Variants in RECK observed in about 807,000 individuals in gnomAD.
RECK encodes the protein reversion-inducing cysteine-rich protein with Kazal motifs.
RECK carries 69 observed loss-of-function variants against 115.1 expected under a neutral mutation model. That is an observed-to-expected ratio of 0.60 (90% CI 0.49 to 0.73). The LOEUF is 0.73. Among genes scored for constraint, RECK ranks in the 30% least tolerant of loss-of-function variants. RECK has a pLI of 0.00. For missense variants in RECK, 1,047 were observed against 1,203.7 expected (o/e 0.87, Z 1.93); for synonymous variants, 414 against 419.7 (o/e 0.99, Z 0.17).
intron 12 of RECK, 98 bp downstream of exon 12, chr9:36,102,328 A>T: frequency 1.9e-6 from 2 of 1,057,186 alleles, no homozygotes; most frequent in Non-Finnish European, 2.7e-6. Flanking sequence ...TTATCTGTTG[A>T]GAACATGGGA....
chr9:36,058,742 G>C (rs1466910273), intron 2 of RECK, 85 bp from the exon 3 acceptor site: 1 of 637,420 alleles, frequency 1.6e-6, no homozygotes, highest in Non-Finnish European at 2.4e-6. Flanking sequence ...CTAGACAACT[G>C]ATAAATCTAG....
chr9:36,063,960 A>G, intron 5 of RECK, 80 bp downstream of exon 5: 1 of 1,363,824 alleles, frequency 7.3e-7, no homozygotes. Flanking sequence ...GGCCTTGCCC[A>G]CCTCCTAGCT....
rs1448794623 is a variant in RECK at position 36,105,192 on chromosome 9, C to A, written c.1485C>A (p.Asn495Lys). Residue 495 changes from asparagine (N) to lysine (K), a missense_variant, in exon 13 of 21, where the codon AAC (asparagine) becomes AAA (lysine). By Grantham distance (94) the Asn-to-Lys change is moderately conservative. Coordinates refer to ENST00000377966, the MANE Select transcript of RECK (RefSeq NM_021111.3). ...TAGAAGAAGTGACTCATCCCTGTAACCCAAATCCTTGCCCTGCCAATGAGC... is the reference window on the plus strand; with the variant it reads ...TAGAAGAAGTGACTCATCCCTGTAAACCAAATCCTTGCCCTGCCAATGAGC... ...NIVEEVTHPCNPNPCPANELC... is the reference protein window; with the variant it reads ...NIVEEVTHPCKPNPCPANELC... The A allele has an allele frequency of 1.2e-6, 2 of 1,613,946 alleles. No individual in the cohort carries two copies. The highest frequency in any genetic ancestry group is 2.2e-5 in the East Asian group (1 of 44,876).
rs11315233 is a variant in RECK, at chr9:36,107,604, CAA to C, written c.1577-354_1577-353del. The stretch of plus-strand genomic sequence containing the variant: ...TGGGCAACAGAGCAAGACTCCGTCT[CAA>C]AAAAAAAAAAAAAAAAATACTGTTA... On this transcript the variant is annotated intron_variant, in intron 13 of 20. Coordinates refer to ENST00000377966, the MANE Select transcript of RECK (RefSeq NM_021111.3). Among the ~76,000 whole-genome samples the C allele has an allele frequency of 1.6e-3, 115 of 70,918 alleles. 1 individual carries two copies. The South Asian group carries it at 0.029, about 18-fold the overall frequency. The allele number at this position is 70,918 out of a possible 152,430, so 46.5% of individuals were successfully genotyped here.
chr9:36,058,759 A>C, intron 2 of RECK, 68 bp from the exon 3 acceptor site: 1 of 1,025,946 alleles, frequency 9.7e-7, no homozygotes. Flanking sequence ...CTAGAGGATA[A>C]TAAGTTTTAC....
intron 14 of RECK, among the ~76,000 whole-genome samples, chr9:36,108,976 T>G (rs1172169609): frequency 6.6e-6 from 1 of 152,074 alleles, no homozygotes; most frequent in Non-Finnish European, 1.5e-5. Context: ...TTTTATATGC[T>G]TTTTGGTTTA....
At chr9:36,077,427 A>C (rs1251225956) in intron 6 of RECK, among the ~76,000 whole-genome samples, 3 of 152,224 alleles carry the variant, frequency 2.0e-5, no homozygotes, top group African/African-American at 7.2e-5. Flanking sequence ...AGTGGTAAAA[A>C]GATAGAGTTA....
At chr9:36,088,970 G>A (rs899834727) in intron 9 of RECK, among the ~76,000 whole-genome samples, 8 of 152,152 alleles carry the variant, frequency 5.3e-5, no homozygotes, top group South Asian at 2.1e-4. Context: ...GCAGTGAGCC[G>A]AGATTGCGCC....
At chr9:36,088,579 C>T (rs1286976168) in intron 9 of RECK, among the ~76,000 whole-genome samples, 4 of 152,160 alleles carry the variant, frequency 2.6e-5, no homozygotes, top group South Asian at 2.1e-4. Flanking sequence ...CCATGTTACT[C>T]GGATATCCTG....
At chr9:36,101,971 T>G in intron 11 of RECK, 123 bp from the exon 12 acceptor site, 1 of 924,538 alleles carries the variant, frequency 1.1e-6, no homozygotes, top group Non-Finnish European at 1.6e-6. Context: ...ACTCTTGTTC[T>G]CTTTTGAAAC....
At chr9:36,052,904 G>A (rs1391713676) in intron 2 of RECK, among the ~76,000 whole-genome samples, 6 of 152,070 alleles carry the variant, frequency 3.9e-5, no homozygotes, top group Admixed American at 1.3e-4. Flanking sequence ...AATATAGACT[G>A]GATATTAAAT....
chr9:36,041,701 G>A (rs1456745044), intron 1 of RECK, among the ~76,000 whole-genome samples: 7 of 151,540 alleles, frequency 4.6e-5, no homozygotes, highest in African/African-American at 1.5e-4. Context: ...TTCTTTTAGA[G>A]ACAGTCTTTA....
intron 6 of RECK, among the ~76,000 whole-genome samples, chr9:36,074,139 C>G (rs1822352293): frequency 6.6e-6 from 1 of 152,138 alleles, no homozygotes; most frequent in Non-Finnish European, 1.5e-5. Flanking sequence ...CCTTTCCTGC[C>G]CATTCATCTT....
At chr9:36,093,509 A>G (rs183693356) in intron 10 of RECK, among the ~76,000 whole-genome samples, 19 of 152,316 alleles carry the variant, frequency 1.2e-4, no homozygotes, top group African/African-American at 4.6e-4. Flanking sequence ...GAGAAATGCA[A>G]TATCTAAAAT....
intron 12 of RECK, among the ~76,000 whole-genome samples, chr9:36,102,689 C>T (rs2132653230): frequency 6.6e-6 from 1 of 152,272 alleles, no homozygotes; most frequent in Admixed American, 6.5e-5. Context: ...GGCGTGGTGA[C>T]TCAAGCCTGT....
intron 11 of RECK, among the ~76,000 whole-genome samples, 186 bp from the exon 12 acceptor site, chr9:36,101,908 A>G (rs1383540699): frequency 6.6e-6 from 1 of 152,242 alleles, no homozygotes; most frequent in African/African-American, 2.4e-5. Context: ...GGTCTCAGAC[A>G]ACAGAAAGTT....
rs1485430103 is a variant in RECK, at chr9:36,121,557, G to A, written c.2563G>A (p.Val855Ile). 8.1e-6 allele frequency: 13 copies of A among 1,613,962 alleles called. No homozygotes were observed. The highest frequency in any genetic ancestry group is 3.3e-5 in the Admixed American group (2 of 60,006). The change falls in exon 20 of 21, where the codon GTT becomes ATT. Residue 855 changes from valine to isoleucine, a missense_variant. Coordinates refer to ENST00000377966, the MANE Select transcript of RECK (RefSeq NM_021111.3). ...AKVTNKKPIT[V>I]LEILQKIRMH... is the part of the protein sequence containing the mutation. ...GGTAACAAATAAAAAGCCAATAACA[G>A]TTCTGGAAATACTTCAGAAAATCCG...
At chr9:36,056,494 T>C (rs1821531327) in intron 2 of RECK, among the ~76,000 whole-genome samples, 1 of 152,172 alleles carries the variant, frequency 6.6e-6, no homozygotes. Context: ...AACTTTGCTA[T>C]TCACATCCCC....
At chr9:36,106,871 G>T (rs1377637006) in intron 13 of RECK, among the ~76,000 whole-genome samples, 1 of 151,888 alleles carries the variant, frequency 6.6e-6, no homozygotes, top group Non-Finnish European at 1.5e-5. Flanking sequence ...TTGGGAGGCT[G>T]AGACAGGCAG....
Sources: allele counts gnomAD v4.1 joint callset (sites outside exome capture counted in the v4.1 genomes callset), GRCh38; gene constraint gnomAD v4.1.1; transcripts MANE v1.5; gene names NCBI Gene and HGNC (gene_info 2026-07-23, HGNC 2026-07-21).